Variants in DACH2 observed in about 807,000 individuals in gnomAD.
DACH2 encodes the protein dachshund family transcription factor 2, also known as dachshund homolog 2.
In DACH2, 17 loss-of-function variants were observed where a neutral mutation model predicts 35.8. The ratio of observed to expected loss-of-function variants is 0.48; its 90% CI spans 0.33 to 0.71. The LOEUF (loss-of-function observed/expected upper bound fraction) is 0.71, where lower values mean the gene tolerates loss of function less well. DACH2 is among the 30% of genes least tolerant of loss of function. The pLI is 0.02. For missense variants in DACH2, 469 were observed against 472.7 expected (o/e 0.99, Z 0.07); for synonymous variants, 195 against 177.3 (o/e 1.10, Z -0.79).
chrX:86,293,093 T>A (rs1172317527), intron 1 of DACH2, among the ~76,000 whole-genome samples: 1 of 93,936 alleles, frequency 1.1e-5, no homozygotes, highest in Non-Finnish European at 2.1e-5. Context: ...GGACTTGCTT[T>A]ATGAATCTGG....
chrX:86,221,236 G>C (rs778124939), intron 1 of DACH2, among the ~76,000 whole-genome samples: 57 of 111,416 alleles, frequency 5.1e-4, no homozygotes, highest in Non-Finnish European at 1.0e-3. Context: ...TGATTTTTGT[G>C]TATGATGTAA....
At chrX:86,572,109 G>C (rs2039378588) in intron 3 of DACH2, among the ~76,000 whole-genome samples, 1 of 110,972 alleles carries the variant, frequency 9.0e-6, no homozygotes, top group Admixed American at 9.7e-5. Flanking sequence ...GCGGGGAAGG[G>C]GGAGGGATAG....
intron 7 of DACH2, among the ~76,000 whole-genome samples, chrX:86,769,891 G>T (rs2041971083): frequency 9.1e-6 from 1 of 109,821 alleles, no homozygotes; most frequent in Admixed American, 9.8e-5. Context: ...GCCAGGCGTG[G>T]TGGCTCACAC....
chrX:86,260,889 A>C (rs1353832697), intron 1 of DACH2, among the ~76,000 whole-genome samples: 1 of 111,847 alleles, frequency 8.9e-6, no homozygotes, highest in African/African-American at 3.3e-5. Flanking sequence ...ATGTGTTTGC[A>C]GAGGCACCTA....
chrX:86,490,185 A>G (rs952275696), intron 2 of DACH2, among the ~76,000 whole-genome samples: 1 of 112,196 alleles, frequency 8.9e-6, no homozygotes, highest in Non-Finnish European at 1.9e-5. Flanking sequence ...CATGTAGGTT[A>G]TAAAATGCAG....
chrX:86,322,026 C>T lies in DACH2; in HGVS notation c.489-54798C>T, dbSNP rs769146469. The stretch of plus-strand genomic sequence containing the variant: ...TGGAAGGGGCACCAGATGAGGGAAA[C>T]TGGAAGCACTGGGGCACTTAGGAGT... On this transcript the variant is annotated intron_variant, in intron 1 of 11. Transcript: ENST00000373125. Among the ~76,000 whole-genome samples the T allele has an allele frequency of 3.6e-5, 4 of 110,392 alleles. No homozygotes were observed. The East Asian group carries it at 8.7e-4, about 24-fold the overall frequency.
Position 86,503,331 on chromosome X carries a change from A to G in DACH2, c.528-10948A>G, listed in dbSNP as rs997251953. 1.2e-4 allele frequency among the ~76,000 whole-genome samples: 13 copies of G among 111,912 alleles called. No individual in the cohort carries two copies. The Admixed American group carries it at 1.2e-3, about 11-fold the overall frequency. Reference sequence around the variant, plus strand: ...AATCCTGAACTGAACTGATCACTAAACTGTATGGTTAGTCATCAGGAACAT... The same window carrying G: ...AATCCTGAACTGAACTGATCACTAAGCTGTATGGTTAGTCATCAGGAACAT... On this transcript the variant is annotated intron_variant, in intron 2 of 11. Coordinates refer to ENST00000373125, the MANE Select transcript of DACH2 (RefSeq NM_053281.3).
chrX:86,820,275 A>G (rs1418169016), intron 11 of DACH2, among the ~76,000 whole-genome samples: 1 of 111,826 alleles, frequency 8.9e-6, no homozygotes, highest in Non-Finnish European at 1.9e-5. Context: ...TTATGTATAC[A>G]TGTTTGACAA....
intron 7 of DACH2, among the ~76,000 whole-genome samples, chrX:86,799,786 A>T (rs889593149): frequency 8.9e-6 from 1 of 112,196 alleles, no homozygotes; most frequent in Non-Finnish European, 1.9e-5. Flanking sequence ...AAATCCTGGA[A>T]TCAATGTATA....
chrX:86,635,494 A>G (rs1040969984), intron 3 of DACH2, among the ~76,000 whole-genome samples: 1 of 110,673 alleles, frequency 9.0e-6, no homozygotes, highest in African/African-American at 3.3e-5. Context: ...CTCTCTCACC[A>G]CTCCTAGTCA....
intron 2 of DACH2, among the ~76,000 whole-genome samples, chrX:86,456,193 T>A (rs1355636871): frequency 3.6e-5 from 4 of 112,262 alleles, no homozygotes; most frequent in Non-Finnish European, 7.5e-5. Context: ...AGAACCTGGA[T>A]ATTTCAGTTG....
At chrX:86,733,977 G>A (rs1268930697) in intron 6 of DACH2, among the ~76,000 whole-genome samples, 2 of 85,143 alleles carry the variant, frequency 2.3e-5, no homozygotes, top group Non-Finnish European at 4.3e-5. Context: ...ACATTTAGTG[G>A]GCATTAAGGG....
intron 2 of DACH2, among the ~76,000 whole-genome samples, chrX:86,508,421 G>A (rs747207444): frequency 9.1e-6 from 1 of 109,524 alleles, no homozygotes; most frequent in African/African-American, 3.3e-5. Flanking sequence ...TTAGTCGGGC[G>A]TGGTGGGGCG....
intron 5 of DACH2, among the ~76,000 whole-genome samples, chrX:86,696,002 A>G (rs2041064621): frequency 8.9e-6 from 1 of 112,201 alleles, no homozygotes; most frequent in Non-Finnish European, 1.9e-5. Context: ...TATCACAAGT[A>G]GTATTATTAC....
chrX:86,227,863 A>G (rs1369587618), intron 1 of DACH2, among the ~76,000 whole-genome samples: 1 of 111,789 alleles, frequency 8.9e-6, no homozygotes, highest in East Asian at 2.8e-4. Flanking sequence ...ACTTAAATAC[A>G]TTTAAAACAT....
intron 1 of DACH2, among the ~76,000 whole-genome samples, chrX:86,209,790 A>G (rs1417008415): frequency 9.0e-6 from 1 of 111,199 alleles, no homozygotes; most frequent in Non-Finnish European, 1.9e-5. Flanking sequence ...TCAAAATCCA[A>G]TATATTCAAA....
chrX:86,431,581 T>G (rs1230925851), intron 2 of DACH2, among the ~76,000 whole-genome samples: 1 of 111,656 alleles, frequency 9.0e-6, no homozygotes. Context: ...TAAATGCATG[T>G]GTCCGAATGG....
intron 2 of DACH2, among the ~76,000 whole-genome samples, chrX:86,484,513 G>C (rs2037990308): frequency 8.9e-6 from 1 of 111,951 alleles, no homozygotes; most frequent in Non-Finnish European, 1.9e-5. Context: ...TAATTTATGT[G>C]AGCTTTTAAG....
At chrX:86,300,176 G>T (rs891643494) in intron 1 of DACH2, among the ~76,000 whole-genome samples, 4 of 110,827 alleles carry the variant, frequency 3.6e-5, no homozygotes, top group South Asian at 7.6e-4. Context: ...AATTATATAG[G>T]CATCTCAAAT....
Sources: gnomAD v4.1 joint callset for allele counts (sites outside exome capture counted in the v4.1 genomes callset) on GRCh38, gnomAD v4.1.1 for gene constraint, MANE v1.5 for transcripts, NCBI Gene and HGNC (gene_info 2026-07-23, HGNC 2026-07-21) for gene names.